The following HSF2 variants were observed in gnomAD, a reference collection of about 807,000 sequenced individuals.
HSF2 encodes the protein heat shock factor protein 2.
Under a neutral mutation model 65.0 loss-of-function variants are expected in HSF2, and 21 were observed. The observed-to-expected ratio is 0.32, with a 90% CI of 0.23 to 0.47. The LOEUF is 0.47. Ranked by LOEUF, HSF2 falls within the 20% of genes least tolerant of loss-of-function variation. HSF2 has a pLI of 1.00. For missense variants in HSF2, 499 were observed against 628.1 expected (o/e 0.79, Z 2.20); for synonymous variants, 225 against 219.1 (o/e 1.03, Z -0.24).
At position 122,431,413 on chromosome 6, in the gene HSF2, A is replaced by ATT. The variant is rs770699607; in HGVS notation, c.1231-16_1231-15insTT. On this transcript the variant is annotated splice_polypyrimidine_tract_variant and intron_variant, in intron 11 of 12. Transcript: ENST00000368455. Reference sequence around the variant, plus strand: ...AAATATGAAACAAGTACTTATATATATATTTTTTTCTTTTAGTCTGAGAAT... The same window carrying ATT: ...AAATATGAAACAAGTACTTATATATATTTATTTTTTTCTTTTAGTCTGAGAAT... 4 of 1,286,162 alleles carry ATT rather than the reference A, an allele frequency of 3.1e-6. No individual in the cohort carries two copies. Among genetic ancestry groups the ATT allele is most frequent in the African/African-American group, 3.1e-5 (2 of 64,966 alleles). The allele number at this position is 1,286,162 out of a possible 1,614,324, so 79.7% of individuals were successfully genotyped here. A position where few individuals can be genotyped will look rare whatever the true frequency, so the allele number is the denominator to read the frequency against.
At chr6:122,401,270 GTCTCATGCTTTT>G (rs1433194727) in intron 1 of HSF2, among the ~76,000 whole-genome samples, 1 of 151,312 alleles carries the variant, frequency 6.6e-6, no homozygotes, top group Non-Finnish European at 1.5e-5. Flanking sequence ...ATAAACACAT[GTCTCATGCTTTT>G]CATCAGTTAG....
chr6:122,407,374 G>A (rs1223953667), intron 1 of HSF2, among the ~76,000 whole-genome samples: 1 of 152,096 alleles, frequency 6.6e-6, no homozygotes. Context: ...AGCTTATTCC[G>A]CTATTAGCCA....
In HSF2 at chr6:122,431,504, A is replaced by G; in HGVS notation, c.1305A>G (p.Lys435=). Residue 435 remains lysine, a synonymous_variant, in exon 12 of 13, where the codon AAA becomes AAG. Transcript: ENST00000368455. ...QPVSEEGRKS[K]SKPDKQLIQY... is the part of the protein sequence containing the mutation. ...TTTCGGAAGAGGGAAGAAAATCTAA[A>G]TCCAAACCAGGTAGGTATAAATATA... is the stretch of plus-strand genomic sequence containing the variant. 1 of 1,572,642 alleles carries G rather than the reference A, an allele frequency of 6.4e-7. No homozygotes were observed. Among genetic ancestry groups the G allele is most frequent in the Non-Finnish European group, 8.7e-7 (1 of 1,146,398 alleles).
intron 1 of HSF2, among the ~76,000 whole-genome samples, chr6:122,409,628 T>C (rs973358699): frequency 6.6e-6 from 1 of 152,004 alleles, no homozygotes; most frequent in Non-Finnish European, 1.5e-5. Flanking sequence ...TTTAATCTAA[T>C]AAGGGAAAAT....
intron 1 of HSF2, among the ~76,000 whole-genome samples, chr6:122,408,806 G>GT (rs1306305420): frequency 6.8e-6 from 1 of 147,496 alleles, no homozygotes; most frequent in African/African-American, 2.5e-5. Flanking sequence ...ATGTTTTAAT[G>GT]TTTCCCCCTT....
intron 1 of HSF2, among the ~76,000 whole-genome samples, chr6:122,402,838 C>T (rs912879331): frequency 2.0e-5 from 3 of 152,138 alleles, no homozygotes; most frequent in African/African-American, 7.2e-5. Flanking sequence ...AGGTGTGAGC[C>T]ACCGGCGCCC....
At chr6:122,412,062 C>G (rs1213218319) in intron 1 of HSF2, among the ~76,000 whole-genome samples, 1 of 151,452 alleles carries the variant, frequency 6.6e-6, no homozygotes. Flanking sequence ...ATTATGCTGT[C>G]TACATAATTG....
chr6:122,420,175 C>T lies in HSF2; in HGVS notation c.634C>T (p.Leu212=), dbSNP rs1347878618. 2 of 1,608,948 alleles carry T rather than the reference C, an allele frequency of 1.2e-6. No individual in the cohort carries two copies. Among genetic ancestry groups the T allele is most frequent in the East Asian group, 2.2e-5 (1 of 44,722 alleles). ...LNTNGAQKKN[L]FQHIVKEPTD... is the part of the protein sequence containing the mutation. ...CACTAATGGAGCCCAAAAGAAGAAC[C>T]TGTTTCAGCACATAGTCAAAGAACC... The change falls in exon 7 of 13, where the codon CTG becomes TTG. Residue 212 remains leucine, a synonymous_variant. Transcript: ENST00000368455.
chr6:122,413,570 T>A lies in HSF2; in HGVS notation c.376T>A (p.Leu126Ile), dbSNP rs765283128. The A allele has an allele frequency of 6.3e-7, 1 of 1,593,626 alleles. No individual in the cohort carries two copies. The highest frequency in any genetic ancestry group is 8.6e-7 in the Non-Finnish European group (1 of 1,162,430). ...PEENKIRQEDLTKIISSAQKV... is the reference protein window; with the variant it reads ...PEENKIRQEDITKIISSAQKV... ...AGAAAATAAAATTCGTCAGGAAGATTTAACAAAAATTATAAGTAGTGCTCA... is the reference window on the plus strand; with the variant it reads ...AGAAAATAAAATTCGTCAGGAAGATATAACAAAAATTATAAGTAGTGCTCA... Residue 126 changes from leucine to isoleucine, a missense_variant, in exon 4 of 13, where the codon TTA becomes ATA. Physicochemically the swap from Leu to Ile is conservative, Grantham distance 5. Coordinates refer to ENST00000368455, the MANE Select transcript of HSF2 (RefSeq NM_004506.4).
At chr6:122,414,964 A>G (rs1774090964) in intron 4 of HSF2, among the ~76,000 whole-genome samples, 1 of 152,196 alleles carries the variant, frequency 6.6e-6, no homozygotes, top group Admixed American at 6.5e-5. Context: ...TTTAATTTGA[A>G]TCAGAAAAAT....
chr6:122,399,673 T>C lies in HSF2; in HGVS notation c.-65T>C, dbSNP rs1263571162. 2.2e-6 allele frequency: 3 copies of C among 1,393,672 alleles called. No individual in the cohort carries two copies. The highest frequency in any genetic ancestry group is 3.0e-6 in the Non-Finnish European group (3 of 992,168). The allele number at this position is 1,393,672 out of a possible 1,614,324, so 86.3% of individuals were successfully genotyped here. ...GGGCGTTCTCGGGGAGCTGCTGCCG[T>C]AGCTGCCGCCGCCGCTACCACCGCG... On this transcript the variant is annotated 5_prime_UTR_variant, in exon 1 of 13. Transcript: ENST00000368455.
intron 11 of HSF2, among the ~76,000 whole-genome samples, chr6:122,429,140 A>G (rs1342730929): frequency 6.6e-6 from 1 of 152,080 alleles, no homozygotes. Context: ...ACCTGGATTT[A>G]TATTACAAGA....
intron 4 of HSF2, among the ~76,000 whole-genome samples, chr6:122,415,687 T>C (rs1774110284): frequency 6.6e-6 from 1 of 152,106 alleles, no homozygotes; most frequent in Non-Finnish European, 1.5e-5. Context: ...TGTGTATCTA[T>C]TGTCATGAGT....
intron 8 of HSF2, among the ~76,000 whole-genome samples, 190 bp from the exon 9 acceptor site, chr6:122,422,528 G>A (rs749378318): frequency 6.6e-6 from 1 of 152,080 alleles, no homozygotes; most frequent in Non-Finnish European, 1.5e-5. Flanking sequence ...TTGGAGTTAA[G>A]CACTTCTCAT....
At position 122,407,961 on chromosome 6, in the gene HSF2, CAGAGAGAG is replaced by C. The variant is rs10534323; in HGVS notation, c.94-4393_94-4386del. On this transcript the variant is annotated intron_variant, in intron 1 of 12. Coordinates refer to ENST00000368455, the MANE Select transcript of HSF2 (RefSeq NM_004506.4). Reference sequence around the variant, plus strand: ...CCTTCTCTCTGTGTCTTCCCAATGGCAGAGAGAGAGAGAGAGAGAGAGAGAGTGTGTTC... The same window carrying C: ...CCTTCTCTCTGTGTCTTCCCAATGGCAGAGAGAGAGAGAGAGAGTGTGTTC... Among the ~76,000 whole-genome samples the C allele has an allele frequency of 2.7e-4, 40 of 149,618 alleles. No homozygotes were observed. The East Asian group carries it at 2.8e-3, about 10-fold the overall frequency.
chr6:122,413,984 A>C (rs868232522), intron 4 of HSF2, among the ~76,000 whole-genome samples: 2 of 152,100 alleles, frequency 1.3e-5, no homozygotes, highest in Non-Finnish European at 2.9e-5. Context: ...TATGGTGCTC[A>C]TAGACAATGA....
At chr6:122,400,714 G>T (rs896579529) in intron 1 of HSF2, among the ~76,000 whole-genome samples, 1 of 152,150 alleles carries the variant, frequency 6.6e-6, no homozygotes, top group Non-Finnish European at 1.5e-5. Context: ...AAGATTTTAG[G>T]CAGAATGATT....
chr6:122,417,396 T>A (rs1233245882), intron 5 of HSF2, among the ~76,000 whole-genome samples: 1 of 150,634 alleles, frequency 6.6e-6, no homozygotes, highest in Non-Finnish European at 1.5e-5. Context: ...AATGTGTAGA[T>A]TTTTTTTTTC....
Position 122,419,214 on chromosome 6 carries a change from G to A in HSF2, c.578G>A (p.Ser193Asn), listed in dbSNP as rs780825177. 4.0e-6 allele frequency: 6 copies of A among 1,495,912 alleles called. No individual in the cohort carries two copies. Among genetic ancestry groups the A allele is most frequent in the Non-Finnish European group, 5.6e-6 (6 of 1,078,756 alleles). The allele number at this position is 1,495,912 out of a possible 1,614,324, so 92.7% of individuals were successfully genotyped here. The part of the protein sequence containing the change: ...VTLVQNNQLV[S>N]LKRKRPLLLN... Reference sequence around the variant, plus strand: ...TTGGTTCAAAATAACCAACTTGTGAGTTTAAAACGTAAAAGGTAAGTTTTT... The same window carrying A: ...TTGGTTCAAAATAACCAACTTGTGAATTTAAAACGTAAAAGGTAAGTTTTT... Residue 193 changes from serine to asparagine, a missense_variant, in exon 6 of 13, where the codon AGT (serine) becomes AAT (asparagine). Coordinates refer to ENST00000368455, the MANE Select transcript of HSF2 (RefSeq NM_004506.4).
Sources: allele counts gnomAD v4.1 joint callset (sites outside exome capture counted in the v4.1 genomes callset), GRCh38; gene constraint gnomAD v4.1.1; transcripts MANE v1.5; gene names NCBI Gene and HGNC (gene_info 2026-07-23, HGNC 2026-07-21).